The following VCL variants were observed in gnomAD, a reference collection of about 807,000 sequenced individuals.
VCL encodes vinculin.
A neutral mutation model predicts 125.7 loss-of-function variants in VCL; 47 were observed. The ratio of observed to expected loss-of-function variants is 0.37; its 90% CI spans 0.30 to 0.48. The LOEUF is 0.48. VCL is among the 20% of genes least tolerant of loss of function. VCL has a pLI of 0.99. For missense variants in VCL, 1,069 were observed against 1,455.5 expected (o/e 0.73, Z 4.32); for synonymous variants, 458 against 514.6 (o/e 0.89, Z 1.49).
chr10:74,039,086 A>AT, intron 1 of VCL, among the ~76,000 whole-genome samples: 1 of 151,692 alleles, frequency 6.6e-6, no homozygotes. Context: ...TAATTTTTGT[A>AT]TTTTTAGTAG....
chr10:74,113,592 T>C (rs117915440), intron 19 of VCL, among the ~76,000 whole-genome samples: 6 of 143,456 alleles, frequency 4.2e-5, no homozygotes, highest in Non-Finnish European at 6.3e-5. Context: ...TTTTTTTTTT[T>C]CCCTCACCCA....
At chr10:73,998,527 G>A (rs763554581) in intron 1 of VCL, 152 bp downstream of exon 1, 52 of 759,756 alleles carry the variant, frequency 6.8e-5, no homozygotes, top group Non-Finnish European at 9.3e-5. Flanking sequence ...CCTCTTCTCC[G>A]CCCTGTGACC....
At chr10:74,011,849 G>C (rs1299683441) in intron 1 of VCL, among the ~76,000 whole-genome samples, 1 of 152,170 alleles carries the variant, frequency 6.6e-6, no homozygotes, top group Non-Finnish European at 1.5e-5. Flanking sequence ...GTGTATAGAG[G>C]AGAGAGGTGG....
At chr10:74,077,026 C>G (rs2136276863) in intron 6 of VCL, 1 of 152,708 alleles carries the variant, frequency 6.5e-6, no homozygotes, top group South Asian at 2.1e-4. Context: ...GGATTAGGCA[C>G]TTGGGGATAC....
At chr10:74,038,623 G>A (rs932789832) in intron 1 of VCL, among the ~76,000 whole-genome samples, 5 of 152,048 alleles carry the variant, frequency 3.3e-5, no homozygotes, top group African/African-American at 1.2e-4. Flanking sequence ...TTCAAAAATA[G>A]CATTTAAATA....
rs1007637140 is a variant in VCL at position 74,083,727 on chromosome 10, T to C, written c.1022+214T>C. 2.6e-5 allele frequency among the ~76,000 whole-genome samples: 4 copies of C among 152,236 alleles called. 1 individual carries two copies. Among genetic ancestry groups the C allele is most frequent in the Admixed American group, 2.0e-4 (3 of 15,282 alleles). On this transcript the variant is annotated intron_variant, in intron 8 of 21. Coordinates refer to ENST00000211998, the MANE Select transcript of VCL (RefSeq NM_014000.3). ...TATTTTTTGAGACAGAGTCTCACTCTGTTACCCAGACTGGAGTGCGGTGGT... is the reference window on the plus strand; with the variant it reads ...TATTTTTTGAGACAGAGTCTCACTCCGTTACCCAGACTGGAGTGCGGTGGT...
intron 12 of VCL, among the ~76,000 whole-genome samples, chr10:74,096,305 A>T (rs1277685054): frequency 6.6e-6 from 1 of 151,974 alleles, no homozygotes; most frequent in Non-Finnish European, 1.5e-5. Context: ...GAGGTTGAAG[A>T]TCACGTCACT....
Position 74,074,872 on chromosome 10 carries a change from C to A in VCL, c.752C>A (p.Thr251Asn). The A allele has an allele frequency of 1.2e-6, 2 of 1,614,096 alleles. No homozygotes were observed. Among genetic ancestry groups the A allele is most frequent in the Non-Finnish European group, 1.7e-6 (2 of 1,180,024 alleles). ...INEIIRVLQL[T>N]SWDEDAWASK... is the part of the protein sequence containing the mutation. ...GAGATAATTCGTGTGTTACAACTCA[C>A]CTCTTGGGATGAAGATGCCTGGGCC... The change falls in exon 6 of 22, where the codon ACC becomes AAC. Residue 251 changes from threonine (T) to asparagine (N), a missense_variant. Thr to Asn is a moderately conservative substitution (Grantham distance 65). This residue lies in a region of VCL where 760 missense variants were observed against 928.9 expected (regional missense o/e 0.82). Coordinates refer to ENST00000211998, the MANE Select transcript of VCL (RefSeq NM_014000.3).
intron 1 of VCL, among the ~76,000 whole-genome samples, chr10:74,038,710 A>C (rs891306036): frequency 1.3e-5 from 2 of 152,256 alleles, no homozygotes; most frequent in Middle Eastern, 6.8e-3. Context: ...GGCATCAATT[A>C]ATTACATGCC....
At chr10:74,114,452 T>TG in intron 20 of VCL, 65 bp downstream of exon 20, 1 of 1,547,472 alleles carries the variant, frequency 6.5e-7, no homozygotes, top group Non-Finnish European at 8.8e-7. Context: ...TGTGTGTGTG[T>TG]TGGAGGGGAG....
At chr10:74,115,538 C>T (rs1047309363) in intron 21 of VCL, among the ~76,000 whole-genome samples, 3 of 152,150 alleles carry the variant, frequency 2.0e-5, no homozygotes, top group Non-Finnish European at 2.9e-5. Context: ...GCAGTTAGGA[C>T]TCTACTCAGT....
rs1305636801 is a variant in VCL at position 74,097,327 on chromosome 10, G to C, written c.1867G>C (p.Glu623Gln). The change falls in exon 13 of 22, where the codon GAA becomes CAA. Residue 623 changes from glutamate to glutamine, a missense_variant. Around this residue, in one of 6 missense-constraint regions of VCL, gnomAD observed 760 missense variants for 928.9 expected, o/e 0.82. Coordinates refer to ENST00000211998, the MANE Select transcript of VCL (RefSeq NM_014000.3). The surrounding 1 kb of genome is among the most constrained non-coding windows in gnomAD (Gnocchi z 4.1). ...ATAPPDAPNR[E>Q]EVFDERAANF... ...GGCGCCTCCTGATGCGCCTAACAGG[G>C]AAGAGGTGGGTATCTGAGGTCTTCC... The C allele has an allele frequency of 5.0e-6, 8 of 1,613,156 alleles. No homozygotes were observed. The East Asian group carries it at 1.6e-4, about 31-fold the overall frequency.
intron 10 of VCL, among the ~76,000 whole-genome samples, chr10:74,091,696 A>G (rs1435186158): frequency 1.3e-5 from 2 of 148,896 alleles, no homozygotes; most frequent in Non-Finnish European, 3.0e-5. Context: ...GGCTGAGGCA[A>G]GAGAATAGCT....
intron 13 of VCL, among the ~76,000 whole-genome samples, chr10:74,100,221 C>T (rs113526280): frequency 0.015 from 2,257 of 152,286 alleles, 20 homozygotes; most frequent in Non-Finnish European, 0.025. Context: ...GACCAAAGAT[C>T]TCTTGCTACT....
At chr10:74,093,943 A>C (rs1288861484) in intron 10 of VCL, among the ~76,000 whole-genome samples, 1 of 152,240 alleles carries the variant, frequency 6.6e-6, no homozygotes, top group Non-Finnish European at 1.5e-5. Context: ...GGGCCCACCC[A>C]GTTCCAGAGG....
chr10:74,067,721 T>C (rs930996913), intron 2 of VCL, among the ~76,000 whole-genome samples: 13 of 152,202 alleles, frequency 8.5e-5, no homozygotes, highest in African/African-American at 2.9e-4. Flanking sequence ...CTCAAAAACA[T>C]GCTAAATGAA....
chr10:74,107,629 T>G (rs1278514967), intron 17 of VCL, among the ~76,000 whole-genome samples: 1 of 152,046 alleles, frequency 6.6e-6, no homozygotes, highest in Non-Finnish European at 1.5e-5. Flanking sequence ...GAGCTGGCTT[T>G]GGTAAGTGTG....
At chr10:74,114,420 T>C in intron 20 of VCL, 33 bp downstream of exon 20, 1 of 1,571,974 alleles carries the variant, frequency 6.4e-7, no homozygotes, top group South Asian at 1.1e-5. Flanking sequence ...TGTGTGTGTG[T>C]GTGTGTGTGT....
At position 74,070,797 on chromosome 10, in the gene VCL, C is replaced by T; in HGVS notation, c.367C>T (p.Leu123Phe). The T allele has an allele frequency of 6.2e-7, 1 of 1,614,080 alleles. No individual in the cohort carries two copies. Among genetic ancestry groups the T allele is most frequent in the Non-Finnish European group, 8.5e-7 (1 of 1,180,006 alleles). ...CATCCTCTCTGGAACATCAGACCTG[C>T]TCCTTACCTTCGATGAGGCTGAGGT... ...RGILSGTSDL[L>F]LTFDEAEVRK... The change falls in exon 3 of 22, where the codon CTC (leucine) becomes TTC (phenylalanine). Residue 123 changes from leucine to phenylalanine, a missense_variant. By Grantham distance (22) the Leu-to-Phe change is conservative. Transcript: ENST00000211998.
Sources: gnomAD v4.1 joint callset for allele counts (sites outside exome capture counted in the v4.1 genomes callset) on GRCh38, gnomAD v4.1.1 for gene constraint, gnomAD v4.1.1 regional missense constraint, Gnocchi (gnomAD v3.1) non-coding constraint, MANE v1.5 for transcripts, NCBI Gene and HGNC (gene_info 2026-07-23, HGNC 2026-07-21) for gene names.